The following SNRPN variants were observed in gnomAD, a reference collection of about 807,000 sequenced individuals.
SNRPN encodes small nuclear ribonucleoprotein-associated protein N.
A neutral mutation model predicts 25.2 loss-of-function variants in SNRPN; 7 were observed. The observed-to-expected ratio is 0.28, with a 90% CI of 0.16 to 0.52. The LOEUF is 0.52. SNRPN is among the 20% of genes least tolerant of loss of function. SNRPN has a pLI of 0.96. For synonymous variants in SNRPN, 124 were observed against 110.6 expected (o/e 1.12, Z -0.76); for missense variants, 196 against 322.5 (o/e 0.61, Z 3.00).
At chr15:24,976,745 G>T in intron 6 of SNRPN, 132 bp from the exon 7 acceptor site, 1 of 800,576 alleles carries the variant, frequency 1.2e-6, no homozygotes, top group East Asian at 2.6e-5. Context: ...TTGCTTGTTT[G>T]TTCATTTGGA....
intron 1 of SNRPN, among the ~76,000 whole-genome samples, chr15:24,870,058 C>A (rs538674798): frequency 1.3e-5 from 2 of 152,138 alleles, no homozygotes; most frequent in South Asian, 4.1e-4. Context: ...AGTTGGCTCC[C>A]ATATCATTTT....
chr15:24,834,395 T>C (rs1006304983), intron 2 of SNRPN, among the ~76,000 whole-genome samples: 1 of 152,066 alleles, frequency 6.6e-6, no homozygotes, highest in Non-Finnish European at 1.5e-5. Flanking sequence ...GTCTTTGGTA[T>C]ATCTGAGCCC....
intron 1 of SNRPN, among the ~76,000 whole-genome samples, chr15:24,877,456 G>C (rs190383838): frequency 7.9e-5 from 12 of 152,334 alleles, no homozygotes; most frequent in Non-Finnish European, 1.0e-4. Flanking sequence ...AACCAAGAAT[G>C]ACTGCTGATT....
chr15:24,960,564 G>A (rs1317147764), intron 1 of SNRPN, among the ~76,000 whole-genome samples: 5 of 152,034 alleles, frequency 3.3e-5, no homozygotes, highest in African/African-American at 7.2e-5. Context: ...TCAAGTGATC[G>A]CTGGCCTCAG....
intron 2 of SNRPN, among the ~76,000 whole-genome samples, chr15:24,898,607 A>G (rs1461230063): frequency 6.6e-6 from 1 of 152,054 alleles, no homozygotes; most frequent in African/African-American, 2.4e-5. Flanking sequence ...AGTAGTATAT[A>G]TTGAAAGTAT....
At chr15:24,840,648 G>A (rs1285188388) in intron 2 of SNRPN, among the ~76,000 whole-genome samples, 1 of 152,204 alleles carries the variant, frequency 6.6e-6, no homozygotes, top group East Asian at 1.9e-4. Context: ...GAACCCCCAT[G>A]TGAGATGCAT....
At position 24,975,318 on chromosome 15, in the gene SNRPN, G is replaced by A. The variant is rs368648548; in HGVS notation, c.4-40G>A. 28 of 1,575,214 alleles carry A rather than the reference G, an allele frequency of 1.8e-5. No individual in the cohort carries two copies. The African/African-American group carries it at 3.6e-4, about 20-fold the overall frequency. On this transcript the variant is annotated intron_variant, in intron 4 of 9. Coordinates refer to ENST00000390687, the MANE Select transcript of SNRPN (RefSeq NM_003097.6). ...CAGGAGAAGATTAGAAGACTAGGGT[G>A]TTGGCAAGCTGAACATGACTCTTGT...
intron 2 of SNRPN, among the ~76,000 whole-genome samples, chr15:24,836,959 G>A (rs2051253411): frequency 6.6e-6 from 1 of 151,994 alleles, no homozygotes. Context: ...GTCACATGAG[G>A]GTCTTCAGGA....
chr15:24,900,552 C>T (rs1447689975), intron 2 of SNRPN, among the ~76,000 whole-genome samples: 1 of 152,132 alleles, frequency 6.6e-6, no homozygotes, highest in African/African-American at 2.4e-5. Flanking sequence ...TTCTTAAAGT[C>T]CCCTACAAAT....
intron 1 of SNRPN, among the ~76,000 whole-genome samples, chr15:24,875,071 G>A (rs1038389007): frequency 3.3e-5 from 5 of 152,250 alleles, no homozygotes; most frequent in Admixed American, 3.3e-4. Flanking sequence ...AAATAATGAT[G>A]CATTTTACAA....
chr15:24,861,475 G>A (rs1595516266), intron 1 of SNRPN, among the ~76,000 whole-genome samples: 1 of 152,318 alleles, frequency 6.6e-6, no homozygotes, highest in East Asian at 1.9e-4. Context: ...TTGCAGGACT[G>A]GAAGTTCTTC....
At chr15:24,943,738 A>G (rs1174349167) in intron 3 of SNRPN, among the ~76,000 whole-genome samples, 1 of 152,178 alleles carries the variant, frequency 6.6e-6, no homozygotes, top group East Asian at 1.9e-4. Context: ...CTATGCTGCA[A>G]CTTACCAATG....
intron 2 of SNRPN, chr15:24,849,858 A>C (rs754839592): frequency 2.0e-5 from 3 of 152,248 alleles, no homozygotes; most frequent in Non-Finnish European, 2.9e-5. Context: ...TTTTATACTT[A>C]TTGAAAAAAT....
intron 1 of SNRPN, among the ~76,000 whole-genome samples, chr15:24,880,196 C>G (rs1446943271): frequency 6.6e-6 from 1 of 152,052 alleles, no homozygotes; most frequent in Non-Finnish European, 1.5e-5. Flanking sequence ...TTGTGAACTC[C>G]CTGAGCAGCC....
At chr15:24,955,602 C>A (rs1555403987) in intron 1 of SNRPN, among the ~76,000 whole-genome samples, 1 of 116,348 alleles carries the variant, frequency 8.6e-6, no homozygotes, top group Non-Finnish European at 1.7e-5. Flanking sequence ...CGTGGGGCGA[C>A]TGGGGGGGGA....
At chr15:24,949,074 T>G (rs1338592090) in intron 3 of SNRPN, among the ~76,000 whole-genome samples, 1 of 132,270 alleles carries the variant, frequency 7.6e-6, no homozygotes, top group East Asian at 2.4e-4. Context: ...TAGGCTGGAG[T>G]GCAGTGGCGC....
At chr15:24,825,464 G>C (rs1462781818) in intron 1 of SNRPN, among the ~76,000 whole-genome samples, 1 of 152,078 alleles carries the variant, frequency 6.6e-6, no homozygotes, top group Admixed American at 6.5e-5. Flanking sequence ...GTTGCGTTCT[G>C]TTCTGATAAA....
rs74940871 is a variant in SNRPN, at chr15:24,868,855, G to A, written c.-579+12139G>A. Among the ~76,000 whole-genome samples the A allele has an allele frequency of 2.2e-3, 328 of 152,252 alleles. 1 individual carries two copies. In the East Asian group the frequency reaches 0.023, roughly 11 times the overall value. The stretch of plus-strand genomic sequence containing the variant: ...TATTACTTAGAAATACAAAAGGAGA[G>A]ACCAGGTGCAATAGCTCACACCGGT... On this transcript the variant is annotated intron_variant, in intron 1 of 11. Coordinates refer to the SNRPN transcript ENST00000400097.
chr15:24,907,037 T>A (rs945286072), intron 2 of SNRPN, among the ~76,000 whole-genome samples: 4 of 151,342 alleles, frequency 2.6e-5, no homozygotes, highest in African/African-American at 9.7e-5. Context: ...AACTGAAGGG[T>A]AAAATAATGC....
Sources: gnomAD v4.1 joint callset for allele counts (sites outside exome capture counted in the v4.1 genomes callset) on GRCh38, gnomAD v4.1.1 for gene constraint, MANE v1.5 for transcripts, NCBI Gene and HGNC (gene_info 2026-07-23, HGNC 2026-07-21) for gene names.